SH3RF3: variants seen among roughly 807,000 people sequenced by gnomAD.
The protein encoded by SH3RF3 is E3 ubiquitin-protein ligase SH3RF3.
SH3RF3 carries 29 observed loss-of-function variants against 66.3 expected under a neutral mutation model. The observed-to-expected ratio is 0.44, with a 90% CI of 0.33 to 0.60. SH3RF3 has a LOEUF of 0.60. Ranked by LOEUF, SH3RF3 falls within the 20% of genes least tolerant of loss-of-function variation. The pLI is 0.04. For synonymous variants in SH3RF3, 583 were observed against 532.0 expected, an observed-to-expected ratio of 1.10 and a Z score of -1.32; for missense variants, 1,194 against 1,190.9, an observed-to-expected ratio of 1.00 and a Z score of -0.04.
Position 109,398,683 on chromosome 2 carries a change from G to A in SH3RF3, c.1039G>A (p.Ala347Thr), listed in dbSNP as rs559859361. Residue 347 changes from alanine to threonine, a missense_variant, in exon 4 of 10, where the codon GCT becomes ACT. Ala to Thr is a moderately conservative substitution (Grantham distance 58). Transcript: ENST00000309415. ...CNASLPSDSG[A>T]VASVAPSPTL... is the part of the protein sequence containing the mutation. ...TGCCTCCCTGCCCTCTGACTCCGGCGCTGTGGCCAGCGTGGCCCCAAGTCC... is the reference window on the plus strand; with the variant it reads ...TGCCTCCCTGCCCTCTGACTCCGGCACTGTGGCCAGCGTGGCCCCAAGTCC... 7.3e-5 allele frequency: 118 copies of A among 1,610,116 alleles called. 1 individual carries two copies. In the South Asian group the frequency reaches 1.1e-3, roughly 15 times the overall value.
At chr2:109,331,352 C>T (rs1682280682) in intron 1 of SH3RF3, among the ~76,000 whole-genome samples, 1 of 151,928 alleles carries the variant, frequency 6.6e-6, no homozygotes, top group South Asian at 2.1e-4. Context: ...TGTTTTCCTG[C>T]CTCCCTCCTC....
intron 8 of SH3RF3, among the ~76,000 whole-genome samples, chr2:109,453,330 C>G (rs1047434034): frequency 4.0e-5 from 6 of 150,432 alleles, no homozygotes; most frequent in African/African-American, 1.5e-4. Context: ...GAACTCAAAT[C>G]TGGTTTTAAA....
chr2:109,456,722 C>A (rs565223826), intron 8 of SH3RF3, among the ~76,000 whole-genome samples: 52 of 152,286 alleles, frequency 3.4e-4, no homozygotes, highest in African/African-American at 1.2e-3. Context: ...TTTCAGGGTA[C>A]AAATGTGGAC....
At chr2:109,393,969 T>G (rs1475985967) in intron 3 of SH3RF3, among the ~76,000 whole-genome samples, 1 of 151,962 alleles carries the variant, frequency 6.6e-6, no homozygotes, top group Non-Finnish European at 1.5e-5. Context: ...AGCGCTGAAA[T>G]TCCAGGGCTG....
chr2:109,225,253 AAAG>A (rs1209991245), intron 1 of SH3RF3, among the ~76,000 whole-genome samples: 181 of 152,372 alleles, frequency 1.2e-3, no homozygotes, highest in African/African-American at 4.1e-3. Context: ...CGATAATAAT[AAAG>A]AAGGCTTATT....
intron 1 of SH3RF3, among the ~76,000 whole-genome samples, chr2:109,318,515 G>A (rs529671281): frequency 6.6e-4 from 101 of 152,336 alleles, no homozygotes; most frequent in Middle Eastern, 3.4e-3. Flanking sequence ...TTTGGCGACC[G>A]TGGGATAAAC....
intron 1 of SH3RF3, among the ~76,000 whole-genome samples, chr2:109,165,864 G>T (rs116011188): frequency 6.6e-6 from 1 of 152,212 alleles, no homozygotes; most frequent in Non-Finnish European, 1.5e-5. Context: ...AGTGCTCTAC[G>T]TGTGCCCAGG....
At chr2:109,410,143 T>G (rs1676549802) in intron 4 of SH3RF3, among the ~76,000 whole-genome samples, 1 of 152,222 alleles carries the variant, frequency 6.6e-6, no homozygotes, top group Non-Finnish European at 1.5e-5. Context: ...AGTGTCTGGT[T>G]ACAACCTGGC....
chr2:109,242,342 T>TGGG (rs1240008746), intron 1 of SH3RF3, among the ~76,000 whole-genome samples: 1 of 152,174 alleles, frequency 6.6e-6, no homozygotes. Context: ...CAGCTGAGTC[T>TGGG]GCTGGCTGCT....
At chr2:109,499,230 G>A (rs371357660) in intron 9 of SH3RF3, among the ~76,000 whole-genome samples, 231 of 152,266 alleles carry the variant, frequency 1.5e-3, no homozygotes, top group African/African-American at 5.3e-3. Flanking sequence ...CAGCCTCGGC[G>A]TCTGTGGAGA....
chr2:109,133,926 T>C (rs1676757505), intron 1 of SH3RF3, among the ~76,000 whole-genome samples: 1 of 152,130 alleles, frequency 6.6e-6, no homozygotes. Flanking sequence ...TGTGGGTGAC[T>C]TTGGCTGTGT....
At chr2:109,486,265 C>T (rs547080571) in intron 8 of SH3RF3, among the ~76,000 whole-genome samples, 1 of 152,168 alleles carries the variant, frequency 6.6e-6, no homozygotes, top group African/African-American at 2.4e-5. Flanking sequence ...TCATTTCAGA[C>T]CCACAGAAGC....
intron 4 of SH3RF3, among the ~76,000 whole-genome samples, chr2:109,417,649 T>C (rs1293295920): frequency 6.6e-6 from 1 of 152,142 alleles, no homozygotes; most frequent in Non-Finnish European, 1.5e-5. Flanking sequence ...ATGGAAGTCA[T>C]TTGAGACTTG....
chr2:109,436,635 C>T (rs1452110395), intron 6 of SH3RF3, among the ~76,000 whole-genome samples: 1 of 152,246 alleles, frequency 6.6e-6, no homozygotes, highest in Non-Finnish European at 1.5e-5. Flanking sequence ...TAAAAGATTT[C>T]GTTCAGCTCA....
intron 3 of SH3RF3, among the ~76,000 whole-genome samples, chr2:109,385,485 A>G (rs1434844358): frequency 6.6e-6 from 1 of 152,240 alleles, no homozygotes; most frequent in Non-Finnish European, 1.5e-5. Context: ...TCCTCTTGAA[A>G]ATACAATTTG....
Position 109,381,448 on chromosome 2 carries a change from C to T in SH3RF3, c.945+9767C>T, listed in dbSNP as rs1045013102. On this transcript the variant is annotated intron_variant, in intron 3 of 9. Coordinates refer to ENST00000309415, the MANE Select transcript of SH3RF3 (RefSeq NM_001099289.3). ...CAGCACGCACACCCACCCAATCCTA[C>T]GGAGACAGAGTTCTCACACCTACCC... 5.3e-5 allele frequency among the ~76,000 whole-genome samples: 8 copies of T among 152,164 alleles called. No individual in the cohort carries two copies. The East Asian group carries it at 9.7e-4, about 18-fold the overall frequency.
At chr2:109,335,544 A>G (rs541580695) in intron 1 of SH3RF3, among the ~76,000 whole-genome samples, 1 of 151,922 alleles carries the variant, frequency 6.6e-6, no homozygotes, top group East Asian at 1.9e-4. Flanking sequence ...ATTTCACCCT[A>G]TCCCCATCCC....
At chr2:109,374,252 CT>C (rs1228635418) in intron 3 of SH3RF3, among the ~76,000 whole-genome samples, 5 of 152,258 alleles carry the variant, frequency 3.3e-5, no homozygotes, top group African/African-American at 1.2e-4. Context: ...CCCACTGCCC[CT>C]CTTGCCCCTT....
chr2:109,323,158 A>G (rs558807596), intron 1 of SH3RF3, among the ~76,000 whole-genome samples: 6 of 152,286 alleles, frequency 3.9e-5, no homozygotes, highest in Non-Finnish European at 5.9e-5. Context: ...TCCAGAGACA[A>G]TGCAATGGGT....
Sources: allele counts gnomAD v4.1 joint callset (sites outside exome capture counted in the v4.1 genomes callset), GRCh38; gene constraint gnomAD v4.1.1; transcripts MANE v1.5; gene names NCBI Gene and HGNC (gene_info 2026-07-23, HGNC 2026-07-21).